The following AQP1 variants were observed in gnomAD, a reference collection of about 807,000 sequenced individuals.
AQP1 encodes aquaporin 1 (Colton blood group).
A neutral mutation model predicts 19.7 loss-of-function variants in AQP1; 11 were observed. That is an observed-to-expected ratio of 0.56 (90% CI 0.35 to 0.92). The LOEUF is 0.92. AQP1 is among the 40% of genes least tolerant of loss of function. The probability of loss-of-function intolerance (pLI) is 0.01; values close to 1 mark genes in which losing one functional copy is unlikely to be tolerated. For missense variants in AQP1, 320 were observed against 369.7 expected, an observed-to-expected ratio of 0.87 and a Z score of 1.10; for synonymous variants, 159 against 166.7, an observed-to-expected ratio of 0.95 and a Z score of 0.36.
At chr7:30,921,798 C>T in intron 1 of AQP1, 1 of 1,550,606 alleles carries the variant, frequency 6.4e-7, no homozygotes, top group Non-Finnish European at 8.7e-7. Flanking sequence ...CACCCCAGGC[C>T]TCTCCAGCTT....
intron 1 of AQP1, chr7:30,921,777 A>G (rs1791506756): frequency 1.3e-6 from 2 of 1,550,512 alleles, no homozygotes; most frequent in Non-Finnish European, 1.7e-6. Flanking sequence ...CTGGATGCAA[A>G]GGCCCCAGCT....
In AQP1 at chr7:30,925,121, C is replaced by G. The variant is rs1791645818; in HGVS notation, c.*1492C>G. The G allele has an allele frequency of 6.6e-6, 1 of 152,272 alleles. No individual in the cohort carries two copies. The highest frequency in any genetic ancestry group is 2.4e-5 in the African/African-American group (1 of 41,452). 9.4% of individuals were successfully genotyped at this position (152,272 alleles called of 1,614,324 possible). On this transcript the variant is annotated 3_prime_UTR_variant, in exon 4 of 4. Coordinates refer to ENST00000311813, the MANE Select transcript of AQP1 (RefSeq NM_198098.4). Reference sequence around the variant, plus strand: ...GAAGCAGAGGGACAACCAGAAGGCCCTTAACTATCACCAGTGCATCACATC... The same window carrying G: ...GAAGCAGAGGGACAACCAGAAGGCCGTTAACTATCACCAGTGCATCACATC...
intron 1 of AQP1, among the ~76,000 whole-genome samples, chr7:30,913,625 G>A (rs1461827574): frequency 6.6e-6 from 1 of 152,158 alleles, no homozygotes; most frequent in Non-Finnish European, 1.5e-5. Context: ...GAGAGGCTAG[G>A]TGAAGGTCTG....
At position 30,923,910 on chromosome 7, in the gene AQP1, T is replaced by C; in HGVS notation, c.*281T>C. The C allele has an allele frequency of 3.4e-6, 5 of 1,458,890 alleles. No homozygotes were observed. The highest frequency in any genetic ancestry group is 4.6e-6 in the Non-Finnish European group (5 of 1,092,334). The allele number at this position is 1,458,890 out of a possible 1,614,324, so 90.4% of individuals were successfully genotyped here. A position where few individuals can be genotyped will look rare whatever the true frequency, so the allele number is the denominator to read the frequency against. On this transcript the variant is annotated 3_prime_UTR_variant, in exon 4 of 4. Transcript: ENST00000311813. The surrounding 1 kb of genome is among the most constrained non-coding windows in gnomAD (Gnocchi z 4.8). ...TGAAAGAAAGGGACCCACCTGCTAG[T>C]CGCCCCTCAGAGCATGATGGGAGGT... is the stretch of plus-strand genomic sequence containing the variant.
chr7:30,915,578 C>T (rs1040700538), intron 1 of AQP1, among the ~76,000 whole-genome samples: 4 of 151,894 alleles, frequency 2.6e-5, no homozygotes, highest in Non-Finnish European at 5.9e-5. Context: ...GCTCAGGATT[C>T]GGGCCAGGGG....
intron 1 of AQP1, 193 bp from the exon 2 acceptor site, chr7:30,921,872 AG>A: frequency 6.5e-7 from 1 of 1,535,768 alleles, no homozygotes; most frequent in Non-Finnish European, 8.8e-7. Flanking sequence ...TCATTAACAC[AG>A]GGGGTGGGTT....
intron 1 of AQP1, among the ~76,000 whole-genome samples, chr7:30,919,083 C>T (rs1194740396): frequency 2.0e-5 from 3 of 152,164 alleles, no homozygotes; most frequent in Admixed American, 6.5e-5. Context: ...ATCTCTGGAG[C>T]CAGGCTGCCC....
rs1278511566 is a variant in AQP1, at chr7:30,923,992, C to A, written c.*363C>A. The A allele has an allele frequency of 7.3e-7, 1 of 1,373,328 alleles. No homozygotes were observed. Among genetic ancestry groups the A allele is most frequent in the East Asian group, 4.1e-5 (1 of 24,204 alleles). 85.1% of individuals were successfully genotyped at this position (1,373,328 alleles called of 1,614,324 possible). ...GCTCACCGACTCACCTGCGCAAGTG[C>A]CTGGGATTCTACCGTAATTGCTTTG... On this transcript the variant is annotated 3_prime_UTR_variant, in exon 4 of 4. Coordinates refer to ENST00000311813, the MANE Select transcript of AQP1 (RefSeq NM_198098.4). The surrounding 1 kb of genome is among the most constrained non-coding windows in gnomAD (Gnocchi z 4.8).
intron 1 of AQP1, chr7:30,921,423 G>A (rs1791496393): frequency 7.0e-7 from 1 of 1,433,256 alleles, no homozygotes; most frequent in Admixed American, 2.8e-5. Context: ...AGACAGGGAG[G>A]GCAGGGCCAG....
At chr7:30,921,818 G>A in intron 1 of AQP1, 3 of 1,550,370 alleles carry the variant, frequency 1.9e-6, no homozygotes, top group Non-Finnish European at 2.6e-6. Context: ...TCTAGGCAGA[G>A]TGGGGCCTGG....
In AQP1 at chr7:30,923,433, A is replaced by T; in HGVS notation, c.631-17A>T. On this transcript the variant is annotated splice_polypyrimidine_tract_variant and intron_variant, in intron 3 of 3. Coordinates refer to ENST00000311813, the MANE Select transcript of AQP1 (RefSeq NM_198098.4). This position sits in a 1 kb window ranked among gnomAD's most constrained non-coding sequence, Gnocchi z 4.8. The stretch of plus-strand genomic sequence containing the variant: ...CTTTTGAGTGGAGCCCTCTGAACAC[A>T]CCTGCTCTGTTCCTAGATTTTCTGG... 1 of 1,613,176 alleles carries T rather than the reference A, an allele frequency of 6.2e-7. No homozygotes were observed. The highest frequency in any genetic ancestry group is 8.5e-7 in the Non-Finnish European group (1 of 1,179,834).
chr7:30,922,119 C>A lies in AQP1; in HGVS notation c.438C>A (p.Thr146=), dbSNP rs1052315589. ...GQGLGIEIIG[T]LQLVLCVLAT... is the part of the protein sequence containing the mutation. ...GCCTGGGCATCGAGATCATCGGGAC[C>A]CTCCAGCTGGTGCTATGCGTGCTGG... The change falls in exon 2 of 4, where the codon ACC becomes ACA. Residue 146 remains threonine, a synonymous_variant. Coordinates refer to ENST00000311813, the MANE Select transcript of AQP1 (RefSeq NM_198098.4). 1 of 1,614,000 alleles carries A rather than the reference C, an allele frequency of 6.2e-7. No individual in the cohort carries two copies. Among genetic ancestry groups the A allele is most frequent in the African/African-American group, 1.3e-5 (1 of 74,940 alleles).
At position 30,924,238 on chromosome 7, in the gene AQP1, C is replaced by G. The variant is rs916651172; in HGVS notation, c.*609C>G. On this transcript the variant is annotated 3_prime_UTR_variant, in exon 4 of 4. Transcript: ENST00000311813. The stretch of plus-strand genomic sequence containing the variant: ...CCTCCTTCTGCAAAGTGGCAGGGAC[C>G]GGCAGAGCTCTACAGGCCTGCAGCC... The G allele has an allele frequency of 3.2e-6, 2 of 616,800 alleles. No individual in the cohort carries two copies. The highest frequency in any genetic ancestry group is 2.2e-6 in the Non-Finnish European group (1 of 444,608). The allele number at this position is 616,800 out of a possible 1,614,324, so 38.2% of individuals were successfully genotyped here.
chr7:30,913,117 T>C (rs1791212557), intron 1 of AQP1, among the ~76,000 whole-genome samples: 1 of 152,088 alleles, frequency 6.6e-6, no homozygotes, highest in South Asian at 2.1e-4. Flanking sequence ...TTGCAACACG[T>C]GCCCATGGCT....
Position 30,924,124 on chromosome 7 carries a change from C to T in AQP1, c.*495C>T. 8.4e-7 allele frequency: 1 copy of T among 1,193,046 alleles called. No individual in the cohort carries two copies. The highest frequency in any genetic ancestry group is 3.5e-5 in the Admixed American group (1 of 28,394). The allele number at this position is 1,193,046 out of a possible 1,614,324, so 73.9% of individuals were successfully genotyped here. ...GGTGCAGTGGAGGGGGCAAGCTTTG[C>T]TCCTTCAGTTCTGCTTGCTCCCAAG... is the stretch of plus-strand genomic sequence containing the variant. On this transcript the variant is annotated 3_prime_UTR_variant, in exon 4 of 4. Coordinates refer to ENST00000311813, the MANE Select transcript of AQP1 (RefSeq NM_198098.4).
intron 1 of AQP1, among the ~76,000 whole-genome samples, chr7:30,915,131 T>G (rs1791279180): frequency 6.6e-6 from 1 of 152,094 alleles, no homozygotes; most frequent in African/African-American, 2.4e-5. Context: ...TAGGAGATGC[T>G]GGTGGACTCA....
Position 30,923,937 on chromosome 7 carries a change from T to C in AQP1, c.*308T>C. 1.4e-6 allele frequency: 2 copies of C among 1,430,664 alleles called. No individual in the cohort carries two copies. Among genetic ancestry groups the C allele is most frequent in the African/African-American group, 1.4e-5 (1 of 70,712 alleles). The allele number at this position is 1,430,664 out of a possible 1,614,324, so 88.6% of individuals were successfully genotyped here. On this transcript the variant is annotated 3_prime_UTR_variant, in exon 4 of 4. Coordinates refer to ENST00000311813, the MANE Select transcript of AQP1 (RefSeq NM_198098.4). This position sits in a 1 kb window ranked among gnomAD's most constrained non-coding sequence, Gnocchi z 4.8. ...GCCCCTCAGAGCATGATGGGAGGTGTGCCAGAAAGTCCCCCCTCGCCCCAA... is the reference window on the plus strand; with the variant it reads ...GCCCCTCAGAGCATGATGGGAGGTGCGCCAGAAAGTCCCCCCTCGCCCCAA...
intron 1 of AQP1, among the ~76,000 whole-genome samples, chr7:30,914,374 G>C (rs1301286494): frequency 1.3e-5 from 2 of 152,236 alleles, no homozygotes; most frequent in Admixed American, 6.5e-5. Context: ...GCCACACCCA[G>C]ACAGCCAGCT....
chr7:30,920,533 C>T (rs1385504327), intron 1 of AQP1, among the ~76,000 whole-genome samples: 3 of 152,366 alleles, frequency 2.0e-5, no homozygotes, highest in African/African-American at 4.8e-5. Context: ...ATCCCTCCTG[C>T]GTCGACAACT....
Sources: allele counts gnomAD v4.1 joint callset (sites outside exome capture counted in the v4.1 genomes callset), GRCh38; gene constraint gnomAD v4.1.1; non-coding constraint Gnocchi (gnomAD v3.1); transcripts MANE v1.5; gene names NCBI Gene and HGNC (gene_info 2026-07-23, HGNC 2026-07-21).